Variants in CLDN12 observed in about 807,000 individuals in gnomAD.
The protein encoded by CLDN12 is claudin-12.
CLDN12 carries 9 observed loss-of-function variants against 15.5 expected under a neutral mutation model. That is an observed-to-expected ratio of 0.58 (90% CI 0.35 to 1.02). CLDN12 has a LOEUF of 1.02. Among genes scored for constraint, CLDN12 ranks in the 50% least tolerant of loss-of-function variants. The probability of loss-of-function intolerance (pLI) is 0.02; values close to 1 mark genes in which losing one functional copy is unlikely to be tolerated. For missense variants in CLDN12, 233 were observed against 297.3 expected, an observed-to-expected ratio of 0.78 and a Z score of 1.59; for synonymous variants, 140 against 121.6, an observed-to-expected ratio of 1.15 and a Z score of -1.00.
intron 2 of CLDN12, among the ~76,000 whole-genome samples, chr7:90,407,650 A>C (rs17868902): frequency 0.016 from 2,372 of 152,306 alleles, 61 homozygotes; most frequent in African/African-American, 0.053. Context: ...CTGAACAAGG[A>C]GTTATAAGAA....
intron 2 of CLDN12, among the ~76,000 whole-genome samples, chr7:90,408,266 G>A (rs558373401): frequency 6.6e-6 from 1 of 152,274 alleles, no homozygotes; most frequent in South Asian, 2.1e-4. Flanking sequence ...CCTTTGAAAG[G>A]TGGAGGTGGG....
At position 90,413,563 on chromosome 7, in the gene CLDN12, T is replaced by A. The variant is rs1272440914; in HGVS notation, c.*152T>A. On this transcript the variant is annotated 3_prime_UTR_variant, in exon 4 of 4. Coordinates refer to ENST00000496677, the MANE Select transcript of CLDN12 (RefSeq NM_001185072.3). ...TCCTAGTAGAATGAAGTGCTGCTAG[T>A]TTTTATGAGAAGTATATTATATTAA... 2.2e-5 allele frequency: 32 copies of A among 1,432,114 alleles called. No homozygotes were observed. Among genetic ancestry groups the A allele is most frequent in the Non-Finnish European group, 2.7e-5 (29 of 1,092,098 alleles). The allele number at this position is 1,432,114 out of a possible 1,614,324, so 88.7% of individuals were successfully genotyped here. A position where few individuals can be genotyped will look rare whatever the true frequency, so the allele number is the denominator to read the frequency against.
Position 90,413,322 on chromosome 7 carries a change from A to C in CLDN12, c.646A>C (p.Ser216Arg). 2 of 1,614,160 alleles carry C rather than the reference A, an allele frequency of 1.2e-6. No individual in the cohort carries two copies. Among genetic ancestry groups the C allele is most frequent in the Non-Finnish European group, 1.7e-6 (2 of 1,180,018 alleles). ...FWQPLYSHPP[S>R]MHTYSQPYSA... ...GCAACCATTGTACTCCCATCCACCC[A>C]GTATGCATACTTACTCACAGCCCTA... The change falls in exon 4 of 4, where the codon AGT becomes CGT. Residue 216 changes from serine (S) to arginine (R), a missense_variant. Coordinates refer to ENST00000496677, the MANE Select transcript of CLDN12 (RefSeq NM_001185072.3).
At chr7:90,409,448 C>T (rs948791836) in intron 2 of CLDN12, among the ~76,000 whole-genome samples, 13 of 152,180 alleles carry the variant, frequency 8.5e-5, no homozygotes, top group African/African-American at 3.1e-4. Context: ...TCTGAAACTC[C>T]TGACCTCAAG....
intron 1 of CLDN12, among the ~76,000 whole-genome samples, chr7:90,404,034 G>A (rs550064354): frequency 6.6e-6 from 1 of 150,414 alleles, no homozygotes; most frequent in African/African-American, 2.5e-5. Flanking sequence ...GGAGGCGGAG[G>A]GGGGAGGAGG....
intron 2 of CLDN12, among the ~76,000 whole-genome samples, chr7:90,408,286 T>C (rs1796883000): frequency 6.6e-6 from 1 of 152,152 alleles, no homozygotes; most frequent in South Asian, 2.1e-4. Context: ...GGGGATTGCT[T>C]GAGCCCAAGA....
intron 2 of CLDN12, chr7:90,409,306 C>A (rs1442509760): frequency 6.6e-6 from 1 of 152,516 alleles, no homozygotes; most frequent in African/African-American, 2.4e-5. Context: ...ACTGCAACCT[C>A]CACCTCCTGG....
intron 2 of CLDN12, among the ~76,000 whole-genome samples, chr7:90,411,503 T>C (rs138617376): frequency 1.5e-3 from 224 of 152,350 alleles, no homozygotes; most frequent in African/African-American, 4.8e-3. Context: ...GTTTTTCTTA[T>C]AATAGCATTA....
chr7:90,409,916 C>T (rs1056310252), intron 2 of CLDN12, among the ~76,000 whole-genome samples: 1 of 152,166 alleles, frequency 6.6e-6, no homozygotes, highest in Non-Finnish European at 1.5e-5. Context: ...ATGCTAGACA[C>T]TCAGCATGAT....
At position 90,412,781 on chromosome 7, in the gene CLDN12, A is replaced by G. The variant is rs1356210861; in HGVS notation, c.105A>G (p.Lys35=). Residue 35 remains lysine, a synonymous_variant, in exon 4 of 4, where the codon AAA becomes AAG. Coordinates refer to ENST00000496677, the MANE Select transcript of CLDN12 (RefSeq NM_001185072.3). Reference sequence around the variant, plus strand: ...GGACTCTGCTTCCCAACTGGAGAAAATTACGATTGATCACATTCAACAGAA... The same window carrying G: ...GGACTCTGCTTCCCAACTGGAGAAAGTTACGATTGATCACATTCAACAGAA... ...FAGTLLPNWR[K]LRLITFNRNE... is the part of the protein sequence containing the mutation. 1 of 1,614,070 alleles carries G rather than the reference A, an allele frequency of 6.2e-7. No individual in the cohort carries two copies. Among genetic ancestry groups the G allele is most frequent in the East Asian group, 2.2e-5 (1 of 44,884 alleles).
In CLDN12 at chr7:90,414,918, C is replaced by G. The variant is rs1267511875; in HGVS notation, c.*1507C>G. ...AATTCAGGGATATTGGGTCTTTAGC[C>G]TTATGAATTTGAGCTGCTTATTTAA... On this transcript the variant is annotated 3_prime_UTR_variant, in exon 4 of 4. Transcript: ENST00000496677. 6.0e-6 allele frequency: 1 copy of G among 167,050 alleles called. No homozygotes were observed. The highest frequency in any genetic ancestry group is 1.9e-4 in the East Asian group (1 of 5,180). The allele number at this position is 167,050 out of a possible 1,614,324, so 10.3% of individuals were successfully genotyped here.
chr7:90,409,805 A>T (rs1584666159), intron 2 of CLDN12, among the ~76,000 whole-genome samples: 1 of 152,222 alleles, frequency 6.6e-6, no homozygotes, highest in South Asian at 2.1e-4. Flanking sequence ...TTTACATAAG[A>T]CAGCCGTTTC....
chr7:90,403,797 G>A (rs1796781650), intron 1 of CLDN12: 1 of 152,126 alleles, frequency 6.6e-6, no homozygotes, highest in Non-Finnish European at 1.5e-5. Flanking sequence ...GGTTTGTGGG[G>A]GAGCCCAAGC....
chr7:90,403,700 C>G (rs1244187352), intron 1 of CLDN12, 151 bp downstream of exon 1: 1 of 152,074 alleles, frequency 6.6e-6, no homozygotes, highest in African/African-American at 2.4e-5. Context: ...TTTGGTAAGG[C>G]TTTAAAAAAT....
At position 90,405,506 on chromosome 7, in the gene CLDN12, C is replaced by G. The variant is rs1016542040; in HGVS notation, c.-166-13C>G. On this transcript the variant is annotated splice_polypyrimidine_tract_variant and intron_variant, in intron 1 of 3. Coordinates refer to ENST00000496677, the MANE Select transcript of CLDN12 (RefSeq NM_001185072.3). Reference sequence around the variant, plus strand: ...TACTATGTTAATTTGGAGTATTTTTCCTATTTCTTTAGGCTCAGATTATTG... The same window carrying G: ...TACTATGTTAATTTGGAGTATTTTTGCTATTTCTTTAGGCTCAGATTATTG... The G allele has an allele frequency of 6.6e-6, 1 of 152,062 alleles. No individual in the cohort carries two copies. The highest frequency in any genetic ancestry group is 1.5e-5 in the Non-Finnish European group (1 of 68,010). The allele number at this position is 152,062 out of a possible 1,614,324, so 9.4% of individuals were successfully genotyped here. A position where few individuals can be genotyped will look rare whatever the true frequency, so the allele number is the denominator to read the frequency against.
chr7:90,410,941 G>T (rs188134346), intron 2 of CLDN12, among the ~76,000 whole-genome samples: 2 of 152,070 alleles, frequency 1.3e-5, no homozygotes, highest in Admixed American at 1.3e-4. Context: ...AGGCTGCAGT[G>T]AGCCATGATT....
rs751279674 is a variant in CLDN12, at chr7:90,403,481, G to C, written c.-235G>C. The C allele has an allele frequency of 1.3e-5, 2 of 152,184 alleles. No individual in the cohort carries two copies. The highest frequency in any genetic ancestry group is 2.9e-5 in the Non-Finnish European group (2 of 68,050). The allele number at this position is 152,184 out of a possible 1,614,324, so 9.4% of individuals were successfully genotyped here. ...TCGCTGGGAACGCACTTCCTGGGAC[G>C]CTGAGAGGGAGACGCTCCAAGAGGC... On this transcript the variant is annotated 5_prime_UTR_variant, in exon 1 of 4. Transcript: ENST00000496677.
Position 90,412,641 on chromosome 7 carries a change from T to C in CLDN12, c.-33-3T>C. The stretch of plus-strand genomic sequence containing the variant: ...ATTTGTCCTCTTGTGTGTCACCCCC[T>C]AGTCTGACTGACAGTACTCCACAAG... On this transcript the variant is annotated splice_region_variant and splice_polypyrimidine_tract_variant and intron_variant, in intron 3 of 3. Transcript: ENST00000496677. The C allele has an allele frequency of 6.3e-7, 1 of 1,587,696 alleles. No homozygotes were observed. The highest frequency in any genetic ancestry group is 1.2e-5 in the South Asian group (1 of 85,326).
In CLDN12 at chr7:90,415,833, A is replaced by T. The variant is rs1797060727; in HGVS notation, c.*2422A>T. ...AGCCATGGGAGAGAAAACAAACCTA[A>T]GTTTACTTTACTTGTACATATACAC... is the stretch of plus-strand genomic sequence containing the variant. On this transcript the variant is annotated 3_prime_UTR_variant, in exon 4 of 4. Transcript: ENST00000496677. 2 of 167,228 alleles carry T rather than the reference A, an allele frequency of 1.2e-5. No individual in the cohort carries two copies. Among genetic ancestry groups the T allele is most frequent in the South Asian group, 4.1e-4 (2 of 4,834 alleles). The allele number at this position is 167,228 out of a possible 1,614,324, so 10.4% of individuals were successfully genotyped here.
Sources: gnomAD v4.1 joint callset for allele counts (sites outside exome capture counted in the v4.1 genomes callset) on GRCh38, gnomAD v4.1.1 for gene constraint, MANE v1.5 for transcripts, NCBI Gene and HGNC (gene_info 2026-07-23, HGNC 2026-07-21) for gene names.